The following FRMD7 variants were observed in gnomAD, a reference collection of about 807,000 sequenced individuals.
FRMD7 encodes FERM domain containing 7.
Under a neutral mutation model 44.1 loss-of-function variants are expected in FRMD7, and 14 were observed. The ratio of observed to expected loss-of-function variants is 0.32; its 90% confidence interval spans 0.21 to 0.50. The LOEUF (loss-of-function observed/expected upper bound fraction) is 0.50. Among genes scored for constraint, FRMD7 ranks in the 20% least tolerant of loss-of-function variants. The pLI, the probability that FRMD7 is intolerant of heterozygous loss-of-function variation, is 0.99. For synonymous variants in FRMD7, 212 were observed against 187.4 expected, an observed-to-expected ratio of 1.13 and a Z score of -1.07; for missense variants, 501 against 522.3, an observed-to-expected ratio of 0.96 and a Z score of 0.40.
At chrX:132,122,524 T>A (rs1246060172) in intron 1 of FRMD7, among the ~76,000 whole-genome samples, 1 of 112,463 alleles carries the variant, frequency 8.9e-6, no homozygotes, top group Non-Finnish European at 1.9e-5. Flanking sequence ...GTCATTTAGA[T>A]CCTTTCTCAC....
Position 132,082,422 on chromosome X carries a change from T to C in FRMD7, c.846A>G (p.Glu282=). The change falls in exon 9 of 12, where the codon GAA becomes GAG. Residue 282 remains glutamate, a synonymous_variant. Coordinates refer to ENST00000298542, the MANE Select transcript of FRMD7 (RefSeq NM_194277.3). ...GGGTTTTGGGCTTTGATTTGGGCTC[T>C]TCCGAAAGCCTGAAGAAAGCATGGT... is the stretch of plus-strand genomic sequence containing the variant. ...VEYHAFFRLS[E]EPKSKPKTLL... 2 of 1,210,381 alleles carry C rather than the reference T, an allele frequency of 1.7e-6. No individual in the cohort carries two copies. The highest frequency in any genetic ancestry group is 3.5e-5 in the South Asian group (2 of 56,965).
intron 1 of FRMD7, among the ~76,000 whole-genome samples, chrX:132,114,129 C>T (rs752253766): frequency 1.6e-3 from 179 of 111,437 alleles, no homozygotes; most frequent in African/African-American, 5.6e-3. Context: ...ATCAGTTTTA[C>T]TCCATTTAGA....
chrX:132,116,621 C>T, intron 1 of FRMD7, among the ~76,000 whole-genome samples: 1 of 111,574 alleles, frequency 9.0e-6, no homozygotes, highest in African/African-American at 3.3e-5. Flanking sequence ...ACAATGAGAA[C>T]ACATGGACAC....
At chrX:132,091,944 C>G (rs1158762276) in intron 5 of FRMD7, among the ~76,000 whole-genome samples, 1 of 112,328 alleles carries the variant, frequency 8.9e-6, no homozygotes, top group Admixed American at 9.4e-5. Flanking sequence ...CCATCTCCCT[C>G]CTACGCTTCA....
chrX:132,118,670 T>A (rs1472249061), intron 1 of FRMD7, among the ~76,000 whole-genome samples: 2 of 111,933 alleles, frequency 1.8e-5, no homozygotes, highest in African/African-American at 3.2e-5. Context: ...TGGGGACCCC[T>A]TTTTATCTGC....
At chrX:132,114,051 T>C (rs182659261) in intron 1 of FRMD7, among the ~76,000 whole-genome samples, 1 of 109,752 alleles carries the variant, frequency 9.1e-6, no homozygotes, top group Admixed American at 9.8e-5. Context: ...ATGACTTCAA[T>C]GTTTCACCTT....
intron 1 of FRMD7, among the ~76,000 whole-genome samples, chrX:132,103,374 C>T (rs1257046505): frequency 9.0e-6 from 1 of 111,027 alleles, no homozygotes; most frequent in Admixed American, 9.7e-5. Flanking sequence ...TTTCAATATC[C>T]TAATCAAGCT....
intron 1 of FRMD7, among the ~76,000 whole-genome samples, chrX:132,119,879 T>C (rs141547205): frequency 2.3e-4 from 26 of 111,402 alleles, no homozygotes; most frequent in African/African-American, 8.2e-4. Context: ...GTAAATGAAC[T>C]GTTAAGGGTG....
chrX:132,078,972 G>A lies in FRMD7; in HGVS notation c.1051-6C>T. 1.7e-6 allele frequency: 2 copies of A among 1,203,824 alleles called. No individual in the cohort carries two copies. The highest frequency in any genetic ancestry group is 1.7e-5 in the African/African-American group (1 of 57,708). ...GCTAGTCTCAAATCTTCCACCTTGA[G>A]AGAATGGACACATTGGTGAAAGAAG... On this transcript the variant is annotated splice_region_variant and splice_polypyrimidine_tract_variant and intron_variant, in intron 11 of 11. Coordinates refer to ENST00000298542, the MANE Select transcript of FRMD7 (RefSeq NM_194277.3).
intron 3 of FRMD7, 111 bp from the exon 4 acceptor site, chrX:132,097,455 G>A (rs780013252): frequency 4.7e-5 from 26 of 551,260 alleles, no homozygotes; most frequent in African/African-American, 1.6e-4. Flanking sequence ...CTCCTCTTCC[G>A]TCCCCTCCCC....
chrX:132,084,374 A>T (rs1927916306), intron 8 of FRMD7, 116 bp downstream of exon 8: 1 of 532,002 alleles, frequency 1.9e-6, no homozygotes, highest in Non-Finnish European at 3.4e-6. Flanking sequence ...AAGAAAAGAC[A>T]CACCATCACT....
intron 1 of FRMD7, among the ~76,000 whole-genome samples, chrX:132,121,236 T>G (rs903458136): frequency 8.9e-6 from 1 of 111,949 alleles, no homozygotes; most frequent in Non-Finnish European, 1.9e-5. Context: ...ATCTAATCAA[T>G]GTCCAGACAG....
intron 4 of FRMD7, among the ~76,000 whole-genome samples, chrX:132,096,017 T>A (rs1928321145): frequency 8.9e-6 from 1 of 111,777 alleles, no homozygotes; most frequent in African/African-American, 3.3e-5. Context: ...ATTTTCCCAT[T>A]CTTTTTTTTT....
chrX:132,077,467 A>G lies in FRMD7; in HGVS notation c.*405T>C, dbSNP rs1434504073. 5 of 159,996 alleles carry G rather than the reference A, an allele frequency of 3.1e-5. No individual in the cohort carries two copies. Among genetic ancestry groups the G allele is most frequent in the African/African-American group, 1.5e-4 (5 of 32,450 alleles). 13.2% of individuals were successfully genotyped at this position (159,996 alleles called of 1,213,427 possible). On this transcript the variant is annotated 3_prime_UTR_variant, in exon 12 of 12. Transcript: ENST00000298542. The stretch of plus-strand genomic sequence containing the variant: ...TATTTGTTCAGTGTTGTTTAAGAGC[A>G]CAAAGATCAACACAGTCACAATCTA...
intron 1 of FRMD7, among the ~76,000 whole-genome samples, chrX:132,123,963 G>A (rs773063362): frequency 4.5e-5 from 5 of 112,028 alleles, no homozygotes; most frequent in African/African-American, 6.5e-5. Flanking sequence ...TGTCAAATAC[G>A]GTGATGGGAT....
intron 3 of FRMD7, 125 bp from the exon 4 acceptor site, chrX:132,097,469 A>C: frequency 1.9e-6 from 1 of 525,439 alleles, no homozygotes; most frequent in Admixed American, 2.5e-5. Flanking sequence ...CCTCCCCATC[A>C]CTCCCTCCTA....
chrX:132,097,426 CA>C (rs1230739986), intron 3 of FRMD7, 82 bp from the exon 4 acceptor site: 20 of 593,083 alleles, frequency 3.4e-5, no homozygotes, highest in South Asian at 6.9e-5. Context: ...CACACACACA[CA>C]CCCACACACA....
At position 132,122,253 on chromosome X, in the gene FRMD7, A is replaced by T. The variant is rs1279687827; in HGVS notation, c.57+5535T>A. On this transcript the variant is annotated intron_variant, in intron 1 of 11. Coordinates refer to ENST00000298542, the MANE Select transcript of FRMD7 (RefSeq NM_194277.3). ...ATGATCTCATGAGGTAGATGCTAGG[A>T]TCATCTCCACTTTAGTGATAAGGGC... 2.7e-5 allele frequency among the ~76,000 whole-genome samples: 3 copies of T among 111,971 alleles called. No homozygotes were observed. In the Admixed American group the frequency reaches 2.8e-4, roughly 11 times the overall value.
intron 1 of FRMD7, among the ~76,000 whole-genome samples, chrX:132,116,378 T>C (rs1928898268): frequency 8.9e-6 from 1 of 111,801 alleles, no homozygotes; most frequent in Non-Finnish European, 1.9e-5. Context: ...ATGCCACGTA[T>C]TTTTCTAACC....
Sources: gnomAD v4.1 joint callset for allele counts (sites outside exome capture counted in the v4.1 genomes callset) on GRCh38, gnomAD v4.1.1 for gene constraint, MANE v1.5 for transcripts, NCBI Gene and HGNC (gene_info 2026-07-23, HGNC 2026-07-21) for gene names.